The following KIAA1549L variants were observed in gnomAD, a reference collection of about 807,000 sequenced individuals.
The protein encoded by KIAA1549L is KIAA1549 like.
A neutral mutation model predicts 160.7 loss-of-function variants in KIAA1549L; 88 were observed. The observed-to-expected ratio is 0.55, with a 90% CI of 0.46 to 0.65. The LOEUF (loss-of-function observed/expected upper bound fraction) is 0.65, where lower values mean the gene tolerates loss of function less well. Among genes scored for constraint, KIAA1549L ranks in the 30% least tolerant of loss-of-function variants. The probability of loss-of-function intolerance (pLI) is 0.00; values close to 1 mark genes in which losing one functional copy is unlikely to be tolerated. For synonymous variants in KIAA1549L, 950 were observed against 976.7 expected (o/e 0.97, Z 0.51); for missense variants, 2,258 against 2,437.5 (o/e 0.93, Z 1.55).
At chr11:33,616,060 G>A (rs558769067) in intron 15 of KIAA1549L, among the ~76,000 whole-genome samples, 1 of 152,174 alleles carries the variant, frequency 6.6e-6, no homozygotes, top group African/African-American at 2.4e-5. Flanking sequence ...ATTAGAGTTA[G>A]TCAGACTTCT....
At chr11:33,397,737 C>T (rs1850412204) in intron 1 of KIAA1549L, among the ~76,000 whole-genome samples, 1 of 150,708 alleles carries the variant, frequency 6.6e-6, no homozygotes, top group Non-Finnish European at 1.5e-5. Flanking sequence ...CACACACACA[C>T]ACACACACAC....
Position 33,403,296 on chromosome 11 carries a change from C to CACGCAG in KIAA1549L, c.238+26409_238+26410insGCAGAC, listed in dbSNP as rs1554973904. 4.8e-4 allele frequency: 40 copies of CACGCAG among 83,016 alleles called. 2 individuals are homozygous for CACGCAG. The highest frequency in any genetic ancestry group is 1.6e-3 in the African/African-American group (31 of 19,906). The allele number at this position is 83,016 out of a possible 1,614,324, so 5.1% of individuals were successfully genotyped here. On this transcript the variant is annotated intron_variant, in intron 1 of 20. Coordinates refer to ENST00000658780, the MANE Select transcript of KIAA1549L (RefSeq NM_012194.3). ...ACACAGACACAGACACACACACACA[C>CACGCAG]ACACGCATACACGGACACAGACACA... is the stretch of plus-strand genomic sequence containing the variant.
chr11:33,411,925 T>C (rs977599506), intron 1 of KIAA1549L, among the ~76,000 whole-genome samples: 3 of 78,196 alleles, frequency 3.8e-5, no homozygotes, highest in Admixed American at 1.5e-4. Flanking sequence ...TGTGGAGGGC[T>C]CTTCTTGTGG....
In KIAA1549L at chr11:33,610,000, G is replaced by A. The variant is rs542053256; in HGVS notation, c.5279+34G>A. The A allele has an allele frequency of 4.5e-6, 7 of 1,538,626 alleles. No individual in the cohort carries two copies. The Admixed American group carries it at 6.7e-5, about 15-fold the overall frequency. On this transcript the variant is annotated intron_variant, in intron 15 of 20. Transcript: ENST00000658780. ...TCTAAGGGATTCTGTAAAGGGTGCTGTATCATTGGTGGGATAAGGGCAGGC... is the reference window on the plus strand; with the variant it reads ...TCTAAGGGATTCTGTAAAGGGTGCTATATCATTGGTGGGATAAGGGCAGGC...
chr11:33,379,951 G>A (rs1342385605), intron 1 of KIAA1549L, among the ~76,000 whole-genome samples: 1 of 152,236 alleles, frequency 6.6e-6, no homozygotes, highest in Admixed American at 6.5e-5. Context: ...GGCGATCAAG[G>A]CCCTTGCCCT....
In KIAA1549L at chr11:33,528,890, G is replaced by A. The variant is rs1280617013; in HGVS notation, c.239-12912G>A. On this transcript the variant is annotated intron_variant, in intron 1 of 20. Transcript: ENST00000658780. ...TGGGTACAGTGTATACTGCGTGGTT[G>A]ATGGGTAAATCTCAGAAATCACCAC... 2.6e-5 allele frequency among the ~76,000 whole-genome samples: 4 copies of A among 152,304 alleles called. No individual in the cohort carries two copies. In the South Asian group the frequency reaches 8.3e-4, roughly 32 times the overall value.
At chr11:33,455,431 G>A (rs535368785) in intron 1 of KIAA1549L, among the ~76,000 whole-genome samples, 1 of 152,302 alleles carries the variant, frequency 6.6e-6, no homozygotes, top group African/African-American at 2.4e-5. Flanking sequence ...GCTTTAGAAA[G>A]TCAGGGGGAG....
chr11:33,602,103 A>C (rs991421317), intron 13 of KIAA1549L, among the ~76,000 whole-genome samples: 1 of 152,236 alleles, frequency 6.6e-6, no homozygotes, highest in Non-Finnish European at 1.5e-5. Flanking sequence ...TTGGAAGCAA[A>C]CAACCACCTG....
intron 10 of KIAA1549L, among the ~76,000 whole-genome samples, chr11:33,582,068 C>G (rs1304876009): frequency 6.6e-6 from 1 of 152,124 alleles, no homozygotes; most frequent in Admixed American, 6.6e-5. Flanking sequence ...ATGTTAATGA[C>G]AGAATACTCA....
intron 1 of KIAA1549L, among the ~76,000 whole-genome samples, chr11:33,534,840 A>G (rs1186129679): frequency 6.6e-6 from 1 of 152,000 alleles, no homozygotes; most frequent in Non-Finnish European, 1.5e-5. Flanking sequence ...ATACCTTGTG[A>G]TCTCCCTTCT....
intron 1 of KIAA1549L, among the ~76,000 whole-genome samples, chr11:33,438,115 A>G (rs1851416790): frequency 6.6e-6 from 1 of 152,188 alleles, no homozygotes; most frequent in South Asian, 2.1e-4. Context: ...GAGTTGTTTC[A>G]CATGGATCAT....
At chr11:33,600,933 C>G (rs1850342536) in intron 13 of KIAA1549L, among the ~76,000 whole-genome samples, 1 of 152,170 alleles carries the variant, frequency 6.6e-6, no homozygotes, top group Non-Finnish European at 1.5e-5. Flanking sequence ...TTCCTGACCC[C>G]GTCACTCCCC....
intron 1 of KIAA1549L, among the ~76,000 whole-genome samples, chr11:33,457,780 G>A (rs1009777898): frequency 2.6e-5 from 4 of 152,150 alleles, no homozygotes; most frequent in Non-Finnish European, 4.4e-5. Flanking sequence ...AGAGGAATTG[G>A]ATATGCCCAT....
intron 1 of KIAA1549L, among the ~76,000 whole-genome samples, chr11:33,534,448 A>G (rs921471391): frequency 1.3e-5 from 2 of 152,104 alleles, no homozygotes; most frequent in East Asian, 1.9e-4. Flanking sequence ...ACAGTAATTC[A>G]TGTCATTTAG....
rs778073287 is a variant in KIAA1549L at position 33,543,643 on chromosome 11, G to A, written c.2080G>A (p.Asp694Asn). The A allele has an allele frequency of 2.2e-5, 36 of 1,613,928 alleles. No homozygotes were observed. Among genetic ancestry groups the A allele is most frequent in the Non-Finnish European group, 2.9e-5 (34 of 1,179,838 alleles). ...IGDMKKPATT[D>N]VFWSSLSAET... ...AGACATGAAAAAGCCAGCAACCACA[G>A]ATGTTTTCTGGAGTTCTCTTTCAGC... Residue 694 changes from aspartate to asparagine, a missense_variant, in exon 2 of 21, where the codon GAT (aspartate) becomes AAT (asparagine). This residue lies in a region of KIAA1549L where 287 missense variants were observed against 292.3 expected (regional missense o/e 0.98). Coordinates refer to ENST00000658780, the MANE Select transcript of KIAA1549L (RefSeq NM_012194.3).
At chr11:33,451,911 T>C (rs541962159) in intron 1 of KIAA1549L, among the ~76,000 whole-genome samples, 1 of 152,178 alleles carries the variant, frequency 6.6e-6, no homozygotes, top group East Asian at 1.9e-4. Flanking sequence ...TGCTTACATA[T>C]AGTCACCTCA....
At chr11:33,417,514 C>T (rs1004260929) in intron 1 of KIAA1549L, among the ~76,000 whole-genome samples, 5 of 152,176 alleles carry the variant, frequency 3.3e-5, no homozygotes, top group African/African-American at 1.2e-4. Context: ...CTTGCATGAC[C>T]TGCCCCCGAC....
chr11:33,559,773 C>T lies in KIAA1549L; in HGVS notation c.3880C>T (p.Gln1294Ter). Residue 1294 changes from glutamine to a stop codon, truncating the protein, a stop_gained, in exon 7 of 21, where the codon CAG (glutamine) becomes TAG (stop). Coordinates refer to ENST00000658780, the MANE Select transcript of KIAA1549L (RefSeq NM_012194.3). LOFTEE classifies it high-confidence loss of function. ...IQIVSTSNAS[Q>*]AVTLVYVVGN... ...GATTGTGAGCACGTCCAATGCCTCC[C>T]AGGCAGTCACCTTGGTGTACGTCGT... 2 of 1,613,976 alleles carry T rather than the reference C, an allele frequency of 1.2e-6. No individual in the cohort carries two copies. The highest frequency in any genetic ancestry group is 1.7e-6 in the Non-Finnish European group (2 of 1,179,866).
chr11:33,475,695 C>CA (rs11376263), intron 1 of KIAA1549L, among the ~76,000 whole-genome samples: 40,172 of 139,424 alleles, frequency 0.29, 5,633 homozygotes, highest in East Asian at 0.47. Context: ...CTCGCTCTCT[C>CA]AAAAAAAAAA....
Sources: gnomAD v4.1 joint callset for allele counts (sites outside exome capture counted in the v4.1 genomes callset) on GRCh38, gnomAD v4.1.1 for gene constraint, gnomAD v4.1.1 regional missense constraint, MANE v1.5 for transcripts, NCBI Gene and HGNC (gene_info 2026-07-23, HGNC 2026-07-21) for gene names.